The following OLFM3 variants were observed in gnomAD, a reference collection of about 807,000 sequenced individuals.
The protein encoded by OLFM3 is olfactomedin 3.
In OLFM3, 20 loss-of-function variants were observed where a neutral mutation model predicts 48.6. The ratio of observed to expected loss-of-function variants is 0.41; its 90% CI spans 0.29 to 0.60. The LOEUF (loss-of-function observed/expected upper bound fraction) is 0.60. OLFM3 is among the 20% of genes least tolerant of loss of function. The pLI is 0.28. For missense variants in OLFM3, 437 were observed against 544.3 expected, an observed-to-expected ratio of 0.80 and a Z score of 1.96; for synonymous variants, 222 against 198.1, an observed-to-expected ratio of 1.12 and a Z score of -1.01.
intron 1 of OLFM3, among the ~76,000 whole-genome samples, chr1:101,936,100 T>C (rs946529890): frequency 3.9e-5 from 6 of 152,128 alleles, no homozygotes; most frequent in African/African-American, 1.4e-4. Flanking sequence ...CTATACAGCA[T>C]AGTACTGGAA....
chr1:101,850,316 T>C (rs1656174477), intron 1 of OLFM3, among the ~76,000 whole-genome samples: 1 of 152,150 alleles, frequency 6.6e-6, no homozygotes, highest in Non-Finnish European at 1.5e-5. Context: ...TTGATTAATA[T>C]ATTTATTCAT....
At chr1:101,921,897 A>C (rs1344380869) in intron 1 of OLFM3, among the ~76,000 whole-genome samples, 1 of 152,124 alleles carries the variant, frequency 6.6e-6, no homozygotes, top group Non-Finnish European at 1.5e-5. Flanking sequence ...ACCACTACCA[A>C]AAATACAAAA....
chr1:101,974,090 G>A (rs1176812838), intron 1 of OLFM3, among the ~76,000 whole-genome samples: 1 of 150,304 alleles, frequency 6.7e-6, no homozygotes, highest in Non-Finnish European at 1.5e-5. Context: ...CCAGTAGTTA[G>A]CTTTTCTCAT....
intron 1 of OLFM3, among the ~76,000 whole-genome samples, chr1:101,846,557 T>A (rs534042880): frequency 6.6e-5 from 10 of 151,722 alleles, no homozygotes; most frequent in South Asian, 2.1e-4. Flanking sequence ...ATATATATAT[T>A]TTTAAGAATT....
intron 1 of OLFM3, among the ~76,000 whole-genome samples, chr1:101,843,756 C>T (rs1244587216): frequency 6.6e-6 from 1 of 152,186 alleles, no homozygotes; most frequent in Non-Finnish European, 1.5e-5. Flanking sequence ...GATTTAAACT[C>T]TATTTTTCCT....
chr1:101,814,517 C>T (rs1016894644), intron 4 of OLFM3, among the ~76,000 whole-genome samples: 1 of 152,138 alleles, frequency 6.6e-6, no homozygotes, highest in African/African-American at 2.4e-5. Context: ...GAAGACCTCT[C>T]AGTGTGTGAC....
At chr1:101,949,100 A>C (rs1295227527) in intron 1 of OLFM3, among the ~76,000 whole-genome samples, 1 of 151,952 alleles carries the variant, frequency 6.6e-6, no homozygotes, top group Non-Finnish European at 1.5e-5. Context: ...TAATTGTATA[A>C]TATATAATAA....
chr1:101,808,276 G>T (rs993660139), intron 4 of OLFM3, among the ~76,000 whole-genome samples: 31 of 151,444 alleles, frequency 2.0e-4, no homozygotes. Flanking sequence ...AAAAACAAAA[G>T]AAAAAAAGCA....
At chr1:101,978,218 G>A (rs1431773813) in intron 1 of OLFM3, among the ~76,000 whole-genome samples, 2 of 152,076 alleles carry the variant, frequency 1.3e-5, no homozygotes, top group South Asian at 4.1e-4. Context: ...GAAGTAACAT[G>A]CTTCAAGTGA....
At chr1:101,969,930 G>A (rs1660734003) in intron 1 of OLFM3, among the ~76,000 whole-genome samples, 1 of 152,148 alleles carries the variant, frequency 6.6e-6, no homozygotes, top group Non-Finnish European at 1.5e-5. Flanking sequence ...AAGTCAGTGG[G>A]GGAGGTCTGG....
At chr1:101,914,263 C>T (rs911608521) in intron 1 of OLFM3, among the ~76,000 whole-genome samples, 1 of 152,124 alleles carries the variant, frequency 6.6e-6, no homozygotes, top group East Asian at 1.9e-4. Context: ...ATTGGGTTCC[C>T]ATCTCTTTGC....
intron 1 of OLFM3, among the ~76,000 whole-genome samples, chr1:101,849,930 C>T (rs1656158381): frequency 6.6e-6 from 1 of 152,096 alleles, no homozygotes; most frequent in Non-Finnish European, 1.5e-5. Flanking sequence ...CAGAGGGTCA[C>T]TGGATGATAA....
intron 1 of OLFM3, among the ~76,000 whole-genome samples, chr1:101,916,493 T>C (rs1381184452): frequency 5.9e-5 from 9 of 152,278 alleles, no homozygotes; most frequent in African/African-American, 2.2e-4. Flanking sequence ...ATCAGCATTC[T>C]GGCTGGCTGA....
At chr1:101,855,536 C>A (rs1403677692) in intron 1 of OLFM3, among the ~76,000 whole-genome samples, 1 of 151,992 alleles carries the variant, frequency 6.6e-6, no homozygotes, top group Non-Finnish European at 1.5e-5. Flanking sequence ...GTGGGTGAAG[C>A]ATTATAGGTT....
intron 1 of OLFM3, among the ~76,000 whole-genome samples, chr1:101,944,334 C>T (rs1489904631): frequency 6.6e-6 from 1 of 152,032 alleles, no homozygotes; most frequent in African/African-American, 2.4e-5. Context: ...CATATGACTT[C>T]ATTGTAATAA....
chr1:101,809,256 T>C (rs934378566), intron 4 of OLFM3, among the ~76,000 whole-genome samples: 2 of 151,682 alleles, frequency 1.3e-5, no homozygotes, highest in Non-Finnish European at 2.9e-5. Context: ...AAAGATCTAC[T>C]AAAAGTAGTT....
chr1:101,818,911 C>G (rs994444686), intron 4 of OLFM3, among the ~76,000 whole-genome samples: 1 of 152,106 alleles, frequency 6.6e-6, no homozygotes, highest in Non-Finnish European at 1.5e-5. Flanking sequence ...TTTTTGTCCA[C>G]TGTGTTTCAG....
intron 1 of OLFM3, among the ~76,000 whole-genome samples, chr1:101,899,910 G>A (rs1006881341): frequency 3.3e-5 from 5 of 151,728 alleles, no homozygotes; most frequent in Non-Finnish European, 7.4e-5. Flanking sequence ...TCTAATGTTA[G>A]CTTCTTGTAA....
At chr1:101,981,399 G>C (rs186360857) in intron 1 of OLFM3, among the ~76,000 whole-genome samples, 1 of 152,250 alleles carries the variant, frequency 6.6e-6, no homozygotes, top group Admixed American at 6.5e-5. Context: ...CAGCATCATA[G>C]TAGAGTGTTA....
Sources: allele counts gnomAD v4.1 joint callset (sites outside exome capture counted in the v4.1 genomes callset), GRCh38; gene constraint gnomAD v4.1.1; transcripts MANE v1.5; gene names NCBI Gene and HGNC (gene_info 2026-07-23, HGNC 2026-07-21).